Variants in SPATA9 observed in about 807,000 individuals in gnomAD.
SPATA9 encodes spermatogenesis associated 9, also known as spermatogenesis-associated protein 9.
A neutral mutation model predicts 25.5 loss-of-function variants in SPATA9; 27 were observed. That is an observed-to-expected ratio of 1.06 (90% confidence interval 0.78 to 1.46). SPATA9 has a LOEUF of 1.46. SPATA9 is among the 40% of genes most tolerant of loss of function. The probability of loss-of-function intolerance (pLI) is 0.00; values close to 1 mark genes in which losing one functional copy is unlikely to be tolerated. For missense variants in SPATA9, 282 were observed against 297.5 expected (o/e 0.95, Z 0.38); for synonymous variants, 102 against 105.7 (o/e 0.97, Z 0.21).
At chr5:95,727,470 C>T in the SPATA9 span, among the ~76,000 whole-genome samples, 10 of 152,242 alleles carry the variant, frequency 6.6e-5, no homozygotes, top group South Asian at 6.2e-4. Context: ...GTACTTTATG[C>T]TACATCTTAT....
chr5:95,710,771 G>A, the SPATA9 span, among the ~76,000 whole-genome samples: 1 of 152,212 alleles, frequency 6.6e-6, no homozygotes, highest in Non-Finnish European at 1.5e-5. Flanking sequence ...CCGCCACTAA[G>A]ATTTTTGTTT....
At chr5:95,702,284 C>T (rs1754198502), upstream of SPATA9, among the ~76,000 whole-genome samples, 1 of 152,126 alleles carries the variant, frequency 6.6e-6, no homozygotes, top group Non-Finnish European at 1.5e-5. Flanking sequence ...ACAGCACATC[C>T]TGGGGCTCAA....
the SPATA9 span, among the ~76,000 whole-genome samples, chr5:95,718,483 C>T: frequency 1.3e-4 from 20 of 152,292 alleles, no homozygotes; most frequent in African/African-American, 4.3e-4. Flanking sequence ...CCAGCTGATG[C>T]CTCCGTTTTC....
At chr5:95,702,321 A>T (rs1458156365), upstream of SPATA9, among the ~76,000 whole-genome samples, 2 of 152,320 alleles carry the variant, frequency 1.3e-5, no homozygotes, top group Admixed American at 1.3e-4. Flanking sequence ...ATATTTAAAA[A>T]TACGTATCTG....
chr5:95,675,819 C>CTTTTTT (rs33943918), intron 2 of SPATA9, among the ~76,000 whole-genome samples, 180 bp from the exon 3 acceptor site: 7 of 108,030 alleles, frequency 6.5e-5, no homozygotes, highest in African/African-American at 2.2e-4. Flanking sequence ...GTACTTAAAC[C>CTTTTTT]TTTTTTTTTT....
At chr5:95,666,899 A>C (rs1310182634) in intron 3 of SPATA9, among the ~76,000 whole-genome samples, 1 of 152,234 alleles carries the variant, frequency 6.6e-6, no homozygotes, top group Non-Finnish European at 1.5e-5. Flanking sequence ...ATTGCATAGA[A>C]AGAAGTTTGG....
At chr5:95,706,966 C>T in the SPATA9 span, among the ~76,000 whole-genome samples, 1 of 152,130 alleles carries the variant, frequency 6.6e-6, no homozygotes, top group Non-Finnish European at 1.5e-5. Flanking sequence ...ACTTGTATAA[C>T]ATAACAGGGC....
downstream of SPATA9, among the ~76,000 whole-genome samples, chr5:95,654,688 G>T (rs1379727236): frequency 6.6e-6 from 1 of 152,138 alleles, no homozygotes; most frequent in Non-Finnish European, 1.5e-5. Flanking sequence ...ATACAGCCAT[G>T]CTGTGGAATA....
intron 4 of SPATA9, among the ~76,000 whole-genome samples, chr5:95,662,505 G>C (rs1482320715): frequency 1.3e-5 from 2 of 152,082 alleles, no homozygotes; most frequent in African/African-American, 4.8e-5. Flanking sequence ...TCCTGCTTCA[G>C]CCTCCCCCGT....
chr5:95,678,985 A>AC (rs1337276175), intron 2 of SPATA9, among the ~76,000 whole-genome samples: 1 of 152,228 alleles, frequency 6.6e-6, no homozygotes, highest in East Asian at 1.9e-4. Context: ...TGAGTTGGGT[A>AC]AAGTTCTATC....
intron 3 of SPATA9, among the ~76,000 whole-genome samples, chr5:95,664,777 GCTC>G (rs758118722): frequency 2.0e-5 from 3 of 152,116 alleles, no homozygotes; most frequent in Non-Finnish European, 2.9e-5. Context: ...AGTTAGCCAG[GCTC>G]CTCTGAAGTA....
Position 95,658,835 on chromosome 5 carries a change from CCT to C in SPATA9, c.551_552del (p.Glu184GlyfsTer3), listed in dbSNP as rs1561392338. 1.2e-6 allele frequency: 2 copies of C among 1,613,938 alleles called. No homozygotes were observed. The highest frequency in any genetic ancestry group is 1.7e-5 in the Admixed American group (1 of 60,010). On this transcript the variant is annotated frameshift_variant, in exon 5 of 5. Coordinates refer to ENST00000274432, the MANE Select transcript of SPATA9 (RefSeq NM_031952.4). LOFTEE classifies it high-confidence loss of function. ...AAGGCTTTTCTACAATTTTCACTCT[CCT>C]CTCTGTTTTGCCTTATGGATTCTTC... Reference protein sequence around the residue: ...QEEESIRQNREESENCRKAFS... With the variant: ...QEEESIRQNRXESENCRKAFS...
downstream of SPATA9, chr5:95,657,052 A>G (rs1301106510): frequency 1.3e-5 from 2 of 152,196 alleles, no homozygotes; most frequent in Non-Finnish European, 2.9e-5. Context: ...GCTGCTGCCC[A>G]GCCATGAGAG....
At chr5:95,673,022 T>C (rs1165783895) in intron 3 of SPATA9, among the ~76,000 whole-genome samples, 1 of 152,160 alleles carries the variant, frequency 6.6e-6, no homozygotes, top group East Asian at 1.9e-4. Context: ...CATAGGCCAT[T>C]AAAAATAAAG....
At chr5:95,711,829 A>G in the SPATA9 span, among the ~76,000 whole-genome samples, 1 of 152,208 alleles carries the variant, frequency 6.6e-6, no homozygotes, top group African/African-American at 2.4e-5. Context: ...AAACTTAACC[A>G]TTGATTTTTA....
intron 2 of SPATA9, 112 bp from the exon 3 acceptor site, chr5:95,675,751 A>G (rs888803838): frequency 1.1e-5 from 9 of 788,590 alleles, no homozygotes; most frequent in Non-Finnish European, 1.8e-5. Context: ...GGTGTCATGC[A>G]TATATTCAAC....
At chr5:95,691,265 A>C (rs1833594) in intron 1 of SPATA9, among the ~76,000 whole-genome samples, 1 of 151,376 alleles carries the variant, frequency 6.6e-6, no homozygotes, top group Non-Finnish European at 1.5e-5. Context: ...TTCCATTAAC[A>C]CTTTATTTTT....
intron 3 of SPATA9, among the ~76,000 whole-genome samples, chr5:95,673,937 G>A (rs1156535081): frequency 2.6e-5 from 4 of 151,768 alleles, no homozygotes; most frequent in African/African-American, 9.7e-5. Context: ...ACAGGGTTTC[G>A]CCATGTTGGC....
downstream of SPATA9, among the ~76,000 whole-genome samples, chr5:95,655,177 C>T (rs1426058446): frequency 1.3e-5 from 2 of 152,098 alleles, no homozygotes; most frequent in Non-Finnish European, 2.9e-5. Flanking sequence ...TCTATTTTTT[C>T]CCATTGTCCA....
Sources: gnomAD v4.1 joint callset for allele counts (sites outside exome capture counted in the v4.1 genomes callset) on GRCh38, gnomAD v4.1.1 for gene constraint, MANE v1.5 for transcripts, NCBI Gene and HGNC (gene_info 2026-07-23, HGNC 2026-07-21) for gene names.